Variants in PTPRM observed in about 807,000 individuals in gnomAD.
PTPRM encodes the protein receptor-type tyrosine-protein phosphatase mu.
Under a neutral mutation model 186.7 loss-of-function variants are expected in PTPRM, and 47 were observed. The observed-to-expected ratio is 0.25, with a 90% CI of 0.20 to 0.32. The LOEUF is 0.32. Ranked by LOEUF, PTPRM falls within the 10% of genes least tolerant of loss-of-function variation. The pLI is 1.00. For synonymous variants in PTPRM, 668 were observed against 674.9 expected, an observed-to-expected ratio of 0.99 and a Z score of 0.16; for missense variants, 1,494 against 1,865.0, an observed-to-expected ratio of 0.80 and a Z score of 3.66.
intron 23 of PTPRM, among the ~76,000 whole-genome samples, chr18:8,356,762 G>A (rs1193224848): frequency 6.6e-6 from 1 of 152,152 alleles, no homozygotes; most frequent in Non-Finnish European, 1.5e-5. Flanking sequence ...ACAGCCAATA[G>A]CCCAAATCCT....
intron 12 of PTPRM, 47 bp from the exon 13 acceptor site, chr18:8,114,744 T>TA: frequency 3.4e-6 from 5 of 1,482,332 alleles, no homozygotes; most frequent in Non-Finnish European, 4.7e-6. Flanking sequence ...CTATTTGTCT[T>TA]AAAGAAAACA....
chr18:8,206,457 C>T (rs190149378), intron 14 of PTPRM, among the ~76,000 whole-genome samples: 65 of 152,088 alleles, frequency 4.3e-4, no homozygotes, highest in African/African-American at 1.4e-3. Context: ...ACCATGTTAG[C>T]CAGAATGGTC....
At chr18:8,354,212 T>TA (rs3049398) in intron 23 of PTPRM, among the ~76,000 whole-genome samples, 2,110 of 143,888 alleles carry the variant, frequency 0.015, 46 homozygotes, top group African/African-American at 0.042. Context: ...GATTCCGTCT[T>TA]AAAAAAAAAA....
At position 8,250,765 on chromosome 18, in the gene PTPRM, G is replaced by T. The variant is rs562385823; in HGVS notation, c.2555-1723G>T. On this transcript the variant is annotated intron_variant, in intron 17 of 32. Transcript: ENST00000580170. The stretch of plus-strand genomic sequence containing the variant: ...GATAGAGCCACTGCCCTCCAGCCTG[G>T]ATGATGGAGAAAGACCCTGTCTCCA... Among the ~76,000 whole-genome samples the T allele has an allele frequency of 9.4e-5, 14 of 149,048 alleles. No homozygotes were observed. In the South Asian group the frequency reaches 3.0e-3, roughly 32 times the overall value.
At chr18:8,196,784 G>A (rs1023555568) in intron 14 of PTPRM, among the ~76,000 whole-genome samples, 3 of 152,184 alleles carry the variant, frequency 2.0e-5, no homozygotes, top group Non-Finnish European at 2.9e-5. Context: ...CTTGTTATGA[G>A]CTTGGGTTAG....
At chr18:8,248,204 T>G in intron 17 of PTPRM, 28 bp downstream of exon 17, 1 of 1,521,144 alleles carries the variant, frequency 6.6e-7, no homozygotes, top group Non-Finnish European at 9.1e-7. Context: ...TACCACAGTT[T>G]ATTGCAGGAG....
At chr18:8,379,078 C>T (rs577653901) in intron 27 of PTPRM, 89 bp from the exon 28 acceptor site, 2 of 1,120,616 alleles carry the variant, frequency 1.8e-6, no homozygotes, top group East Asian at 2.7e-5. Context: ...CAGTCAGCCA[C>T]AGGAAGTTTG....
chr18:8,268,230 T>C (rs922072402), intron 19 of PTPRM, among the ~76,000 whole-genome samples: 3 of 152,150 alleles, frequency 2.0e-5, no homozygotes, highest in African/African-American at 7.2e-5. Flanking sequence ...ATGCCTCCAT[T>C]TGTTTGGATC....
chr18:7,638,954 G>C (rs2038381156), intron 1 of PTPRM, among the ~76,000 whole-genome samples: 1 of 152,160 alleles, frequency 6.6e-6, no homozygotes, highest in South Asian at 2.1e-4. Flanking sequence ...CAGTGGAAAA[G>C]TTGATCATCT....
chr18:7,747,840 G>A (rs2041032019), intron 1 of PTPRM, among the ~76,000 whole-genome samples: 1 of 152,110 alleles, frequency 6.6e-6, no homozygotes, highest in Admixed American at 6.5e-5. Flanking sequence ...TAAGAATCTG[G>A]GGGGATGAAA....
chr18:8,256,779 G>T (rs946213400), intron 19 of PTPRM, among the ~76,000 whole-genome samples: 2 of 152,196 alleles, frequency 1.3e-5, no homozygotes, highest in African/African-American at 4.8e-5. Flanking sequence ...TAAGAACTGA[G>T]AAAATAAATT....
At chr18:8,180,890 T>A (rs2093563664) in intron 14 of PTPRM, among the ~76,000 whole-genome samples, 1 of 152,186 alleles carries the variant, frequency 6.6e-6, no homozygotes, top group Non-Finnish European at 1.5e-5. Flanking sequence ...GTGAGACATT[T>A]AACTACTTCC....
At chr18:7,699,661 G>T (rs2039918304) in intron 1 of PTPRM, among the ~76,000 whole-genome samples, 1 of 151,710 alleles carries the variant, frequency 6.6e-6, no homozygotes, top group South Asian at 2.1e-4. Context: ...CTGCCTGCTG[G>T]GATTACAAGT....
intron 14 of PTPRM, among the ~76,000 whole-genome samples, chr18:8,191,478 A>G (rs1490084811): frequency 6.6e-6 from 1 of 152,208 alleles, no homozygotes; most frequent in Non-Finnish European, 1.5e-5. Flanking sequence ...GCAAGGGAAT[A>G]GGAAACCACC....
rs115669380 is a variant in PTPRM at position 8,233,417 on chromosome 18, T to C, written c.2301-10641T>C. Among the ~76,000 whole-genome samples the C allele has an allele frequency of 3.7e-3, 565 of 152,364 alleles. 2 individuals carry two copies. The highest frequency in any genetic ancestry group is 0.013 in the African/African-American group (538 of 41,604). On this transcript the variant is annotated intron_variant, in intron 14 of 32. Transcript: ENST00000580170. ...TGATTTGCATTTTCCTTATAACATA[T>C]GGTGCAGAGCATCTTTTTATATGCT...
intron 14 of PTPRM, among the ~76,000 whole-genome samples, chr18:8,153,968 G>A (rs1286687712): frequency 6.6e-6 from 1 of 152,126 alleles, no homozygotes; most frequent in Admixed American, 6.5e-5. Context: ...CAGGTTTCCT[G>A]GTAGGTAGTA....
chr18:8,267,278 G>A (rs1167389576), intron 19 of PTPRM, among the ~76,000 whole-genome samples: 1 of 152,070 alleles, frequency 6.6e-6, no homozygotes, highest in Admixed American at 6.5e-5. Flanking sequence ...TGCCTAAAGA[G>A]AATGGTTGCT....
At chr18:8,387,499 A>AAG (rs370336070) in intron 31 of PTPRM, among the ~76,000 whole-genome samples, 1 of 11,660 alleles carries the variant, frequency 8.6e-5, no homozygotes, top group African/African-American at 4.6e-4. Context: ...GCCCACTGCC[A>AAG]AGAGGAAAAA....
At chr18:8,106,446 G>A (rs1321387301) in intron 11 of PTPRM, among the ~76,000 whole-genome samples, 3 of 152,294 alleles carry the variant, frequency 2.0e-5, no homozygotes, top group Non-Finnish European at 1.5e-5. Context: ...TGCCCTCAAT[G>A]TAGTAGATGC....
Sources: allele counts gnomAD v4.1 joint callset (sites outside exome capture counted in the v4.1 genomes callset), GRCh38; gene constraint gnomAD v4.1.1; transcripts MANE v1.5; gene names NCBI Gene and HGNC (gene_info 2026-07-23, HGNC 2026-07-21).